PPM1H: variants seen among roughly 807,000 people sequenced by gnomAD.
PPM1H encodes protein phosphatase 1H.
PPM1H carries 27 observed loss-of-function variants against 54.9 expected under a neutral mutation model. The ratio of observed to expected loss-of-function variants is 0.49; its 90% CI spans 0.36 to 0.68. The LOEUF (loss-of-function observed/expected upper bound fraction) is 0.68, where lower values mean the gene tolerates loss of function less well. Ranked by LOEUF, PPM1H falls within the 30% of genes least tolerant of loss-of-function variation. The probability of loss-of-function intolerance (pLI) is 0.00; values close to 1 mark genes in which losing one functional copy is unlikely to be tolerated. For synonymous variants in PPM1H, 305 were observed against 270.8 expected, an observed-to-expected ratio of 1.13 and a Z score of -1.24; for missense variants, 596 against 667.8, an observed-to-expected ratio of 0.89 and a Z score of 1.19.
chr12:62,758,683 C>T (rs2076488913), intron 4 of PPM1H, among the ~76,000 whole-genome samples: 1 of 152,128 alleles, frequency 6.6e-6, no homozygotes, highest in East Asian at 1.9e-4. Flanking sequence ...AAAAAAGGAG[C>T]ATCTAACCCA....
intron 8 of PPM1H, among the ~76,000 whole-genome samples, chr12:62,669,202 G>A (rs572460088): frequency 2.2e-4 from 33 of 152,324 alleles, no homozygotes; most frequent in African/African-American, 6.3e-4. Context: ...CTCAGTTTCC[G>A]GCAGACCAGA....
chr12:62,674,538 A>G lies in PPM1H; in HGVS notation c.1246-7209T>C, dbSNP rs1042202592. ...ATTGGCATTCCAGCAGGCCACCAAG[A>G]CTATACCCAAATTCTCTGTAGTAGT... On this transcript the variant is annotated intron_variant, in intron 8 of 9. Transcript: ENST00000228705. Among the ~76,000 whole-genome samples the G allele has an allele frequency of 1.1e-4, 17 of 152,302 alleles. No homozygotes were observed. The South Asian group carries it at 1.7e-3, about 15-fold the overall frequency.
intron 6 of PPM1H, among the ~76,000 whole-genome samples, chr12:62,716,056 T>G (rs1368331176): frequency 6.6e-6 from 1 of 152,118 alleles, no homozygotes; most frequent in Admixed American, 6.5e-5. Context: ...CAACAAAAAG[T>G]CAGAAACCTG....
At chr12:62,843,571 A>C (rs1868839262) in intron 1 of PPM1H, among the ~76,000 whole-genome samples, 1 of 152,198 alleles carries the variant, frequency 6.6e-6, no homozygotes, top group Non-Finnish European at 1.5e-5. Context: ...TGCACAACAG[A>C]CTATAAATAA....
At chr12:62,732,346 G>A (rs1040164803) in intron 5 of PPM1H, among the ~76,000 whole-genome samples, 1 of 152,198 alleles carries the variant, frequency 6.6e-6, no homozygotes, top group Non-Finnish European at 1.5e-5. Context: ...CCATCATCTT[G>A]TAATCTGCTT....
At chr12:62,860,583 A>C (rs1449002243) in intron 1 of PPM1H, among the ~76,000 whole-genome samples, 1 of 152,192 alleles carries the variant, frequency 6.6e-6, no homozygotes, top group Non-Finnish European at 1.5e-5. Flanking sequence ...GAAGAAAATG[A>C]ACTGTAGAAA....
intron 1 of PPM1H, among the ~76,000 whole-genome samples, chr12:62,869,745 C>T (rs1419340791): frequency 6.6e-6 from 1 of 152,192 alleles, no homozygotes; most frequent in African/African-American, 2.4e-5. Context: ...GAGCTAACCC[C>T]TGCCTCCATC....
intron 1 of PPM1H, among the ~76,000 whole-genome samples, chr12:62,862,850 C>G (rs1224724954): frequency 6.6e-6 from 1 of 152,182 alleles, no homozygotes; most frequent in Non-Finnish European, 1.5e-5. Flanking sequence ...TCTAATTTAA[C>G]AGACATCATT....
chr12:62,781,615 C>T (rs1183403083), intron 4 of PPM1H, among the ~76,000 whole-genome samples: 1 of 152,222 alleles, frequency 6.6e-6, no homozygotes, highest in Admixed American at 6.5e-5. Flanking sequence ...CTGGGTCCAC[C>T]CACTGAGTTT....
chr12:62,786,883 G>C (rs2076675069), intron 4 of PPM1H, among the ~76,000 whole-genome samples: 1 of 152,180 alleles, frequency 6.6e-6, no homozygotes, highest in African/African-American at 2.4e-5. Flanking sequence ...TTTCATGTTA[G>C]AACATGTAAT....
At chr12:62,728,779 G>A (rs1049260771) in intron 5 of PPM1H, among the ~76,000 whole-genome samples, 1 of 152,198 alleles carries the variant, frequency 6.6e-6, no homozygotes, top group Non-Finnish European at 1.5e-5. Context: ...AGACCCCAGG[G>A]AGGGAAGCTA....
At position 62,791,153 on chromosome 12, in the gene PPM1H, A is replaced by C. The variant is rs536929764; in HGVS notation, c.757-2815T>G. Among the ~76,000 whole-genome samples the C allele has an allele frequency of 1.6e-4, 25 of 152,370 alleles. 1 individual carries two copies. The highest frequency in any genetic ancestry group is 6.0e-4 in the African/African-American group (25 of 41,584). On this transcript the variant is annotated intron_variant, in intron 3 of 9. Coordinates refer to ENST00000228705, the MANE Select transcript of PPM1H (RefSeq NM_020700.2). ...AAATGGATTCCACAATTCACAAATG[A>C]AAAGCTTACAATGCCAACGCTCGCT...
chr12:62,838,340 G>GC (rs890256057), intron 1 of PPM1H, among the ~76,000 whole-genome samples: 1 of 106,198 alleles, frequency 9.4e-6, no homozygotes, highest in South Asian at 3.0e-4. Context: ...TGTGTGTGTG[G>GC]GGGGGGGGAG....
chr12:62,688,405 T>C lies in PPM1H; in HGVS notation c.1245+1294A>G, dbSNP rs553525765. Among the ~76,000 whole-genome samples, 3 of 149,308 alleles carry C rather than the reference T, an allele frequency of 2.0e-5. No individual in the cohort carries two copies. The South Asian group carries it at 6.5e-4, about 32-fold the overall frequency. On this transcript the variant is annotated intron_variant, in intron 8 of 9. Coordinates refer to ENST00000228705, the MANE Select transcript of PPM1H (RefSeq NM_020700.2). ...GGGTGAGAAAAATTTACCTTTAAAC[T>C]CTTAGGCTGTTGCAAAAGTAATTAA...
chr12:62,741,341 C>A (rs148457496), intron 4 of PPM1H, among the ~76,000 whole-genome samples: 10 of 152,346 alleles, frequency 6.6e-5, no homozygotes, highest in African/African-American at 2.4e-4. Context: ...GAGCTCTCCA[C>A]TGCTTCCTCA....
intron 5 of PPM1H, among the ~76,000 whole-genome samples, chr12:62,731,510 G>C (rs964557531): frequency 6.6e-6 from 1 of 152,136 alleles, no homozygotes; most frequent in Admixed American, 6.5e-5. Flanking sequence ...TCTTGAGCAG[G>C]AAAAATCCCA....
At chr12:62,791,916 G>A (rs149843663) in intron 3 of PPM1H, among the ~76,000 whole-genome samples, 5,241 of 152,254 alleles carry the variant, frequency 0.034, 302 homozygotes, top group African/African-American at 0.12. Flanking sequence ...GCAACAGAGC[G>A]AGACTTCATC....
intron 9 of PPM1H, among the ~76,000 whole-genome samples, chr12:62,665,733 T>C (rs1479026878): frequency 6.6e-6 from 1 of 152,218 alleles, no homozygotes; most frequent in Non-Finnish European, 1.5e-5. Context: ...TTTTAAATGC[T>C]TTAAATTTTT....
intron 1 of PPM1H, among the ~76,000 whole-genome samples, chr12:62,931,947 A>G (rs1393059376): frequency 6.6e-6 from 1 of 152,154 alleles, no homozygotes; most frequent in Admixed American, 6.5e-5. Context: ...GTATGAGTCT[A>G]TTTTGAGAAG....
Sources: allele counts gnomAD v4.1 joint callset (sites outside exome capture counted in the v4.1 genomes callset), GRCh38; gene constraint gnomAD v4.1.1; transcripts MANE v1.5; gene names NCBI Gene and HGNC (gene_info 2026-07-23, HGNC 2026-07-21).